Variants in VPS52 observed in about 807,000 individuals in gnomAD.
VPS52 encodes the protein vacuolar protein sorting-associated protein 52 homolog.
In VPS52, 56 loss-of-function variants were observed where a neutral mutation model predicts 98.7. That is an observed-to-expected ratio of 0.57 (90% confidence interval 0.46 to 0.71). The LOEUF (loss-of-function observed/expected upper bound fraction) is 0.71. VPS52 is among the 30% of genes least tolerant of loss of function. VPS52 has a pLI of 0.00. For missense variants in VPS52, 742 were observed against 925.9 expected (o/e 0.80, Z 2.58); for synonymous variants, 348 against 346.4 (o/e 1.00, Z -0.05).
At position 33,264,382 on chromosome 6, in the gene VPS52, G is replaced by GC; in HGVS notation, c.1515dup (p.Pro506AlafsTer24). On this transcript the variant is annotated frameshift_variant, in exon 14 of 20. Coordinates refer to ENST00000445902, the MANE Select transcript of VPS52 (RefSeq NM_022553.6). LOFTEE classifies it high-confidence loss of function. ...CCCTTGCCCTCCCTCACATAGTGGG[G>GC]CCGAGTATCCAACCCCCCTAGGCGC... is the stretch of plus-strand genomic sequence containing the variant. The GC allele has an allele frequency of 6.2e-7, 1 of 1,614,098 alleles. No homozygotes were observed. The highest frequency in any genetic ancestry group is 8.5e-7 in the Non-Finnish European group (1 of 1,180,008).
intron 17 of VPS52, among the ~76,000 whole-genome samples, chr6:33,252,729 A>G (rs1399830739): frequency 1.3e-5 from 2 of 152,202 alleles, no homozygotes; most frequent in Non-Finnish European, 2.9e-5. Context: ...GAATTATACA[A>G]TGAATTAGAA....
chr6:33,268,991 AACC>A lies in VPS52; in HGVS notation c.548+20_548+22del. The A allele has an allele frequency of 6.2e-7, 1 of 1,611,030 alleles. No individual in the cohort carries two copies. The highest frequency in any genetic ancestry group is 8.5e-7 in the Non-Finnish European group (1 of 1,179,664). ...CCCATCCACCTGCTATGGACATTAT[AACC>A]CTTCAAACTGGTAACTCACGTGACC... On this transcript the variant is annotated intron_variant, in intron 6 of 19. Transcript: ENST00000445902. This position sits in a 1 kb window ranked among gnomAD's most constrained non-coding sequence, Gnocchi z 4.0.
intron 5 of VPS52, 22 bp from the exon 6 acceptor site, chr6:33,269,211 C>T (rs1764697773): frequency 1.2e-6 from 2 of 1,612,270 alleles, no homozygotes; most frequent in Admixed American, 3.3e-5. Flanking sequence ...GTAGATGTTG[C>T]CGGAGTGCTA....
intron 17 of VPS52, among the ~76,000 whole-genome samples, chr6:33,257,621 G>A (rs946243766): frequency 6.6e-6 from 1 of 151,844 alleles, no homozygotes; most frequent in Non-Finnish European, 1.5e-5. Flanking sequence ...GGATGGTCTC[G>A]ATCCCGTGAC....
chr6:33,255,814 A>AG (rs1762878977), intron 17 of VPS52, among the ~76,000 whole-genome samples: 1 of 148,340 alleles, frequency 6.7e-6, no homozygotes. Flanking sequence ...AAAAAAAAAA[A>AG]GAAATGGAGT....
intron 12 of VPS52, 66 bp downstream of exon 12, chr6:33,266,491 C>T: frequency 6.7e-7 from 1 of 1,483,386 alleles, no homozygotes; most frequent in East Asian, 2.3e-5. Context: ...GAGTCATGAC[C>T]CCACTATGCT....
In VPS52 at chr6:33,267,921, T is replaced by A; in HGVS notation, c.877A>T (p.Ser293Cys). Residue 293 changes from serine (S) to cysteine (C), a missense_variant, in exon 9 of 20, where the codon AGC (serine) becomes TGC (cysteine). By Grantham distance (112) the Ser-to-Cys change is moderately radical. Coordinates refer to ENST00000445902, the MANE Select transcript of VPS52 (RefSeq NM_022553.6). This position sits in a 1 kb window ranked among gnomAD's most constrained non-coding sequence, Gnocchi z 4.2. ...CGGTAGTAAGACAGGTAAATCTTGC[T>A]CAGCGTCTCCACATATTCATCCCTG... ...EIRDEYVETLSKIYLSYYRSY... is the reference protein window; with the variant it reads ...EIRDEYVETLCKIYLSYYRSY... The A allele has an allele frequency of 6.2e-7, 1 of 1,613,106 alleles. No homozygotes were observed. Among genetic ancestry groups the A allele is most frequent in the Non-Finnish European group, 8.5e-7 (1 of 1,180,032 alleles).
intron 14 of VPS52, 133 bp downstream of exon 14, chr6:33,264,238 CCAT>C: frequency 2.6e-6 from 4 of 1,545,324 alleles, no homozygotes; most frequent in Non-Finnish European, 3.5e-6. Context: ...GCACCACTCA[CCAT>C]GAGTTTCACC....
intron 17 of VPS52, among the ~76,000 whole-genome samples, chr6:33,259,525 C>A (rs953656854): frequency 6.6e-6 from 1 of 151,976 alleles, no homozygotes; most frequent in Non-Finnish European, 1.5e-5. Context: ...ACAAATAAAA[C>A]CCACTGAAAT....
At chr6:33,265,566 C>T in intron 12 of VPS52, among the ~76,000 whole-genome samples, 1 of 152,096 alleles carries the variant, frequency 6.6e-6, no homozygotes, top group East Asian at 1.9e-4. Flanking sequence ...GAGACAAGGT[C>T]TTGCCGCATT....
intron 19 of VPS52, 132 bp downstream of exon 19, chr6:33,251,386 C>T: frequency 2.9e-6 from 2 of 696,452 alleles, no homozygotes; most frequent in East Asian, 4.9e-5. Context: ...CAGGTTAGGG[C>T]TCATACAGAA....
intron 12 of VPS52, 82 bp from the exon 13 acceptor site, chr6:33,264,982 T>C: frequency 1.6e-6 from 2 of 1,239,800 alleles, no homozygotes; most frequent in South Asian, 1.2e-5. Flanking sequence ...ACGCATTTGT[T>C]TCTTTGGGGA....
Position 33,264,803 on chromosome 6 carries a change from C to G in VPS52, c.1379G>C (p.Arg460Thr), listed in dbSNP as rs369099870. The part of the protein sequence containing the change: ...VLRFRNIAAK[R>T]DVPALDRYWE... ...TGACCTGTCCAGGGCAGGAACATCC[C>G]TCTTTGCTGCAATGTTACGGAACCG... is the stretch of plus-strand genomic sequence containing the variant. The change falls in exon 13 of 20, where the codon AGG becomes ACG. Residue 460 changes from arginine to threonine, a missense_variant. Around this residue, in one of 2 missense-constraint regions of VPS52, gnomAD observed 590 missense variants for 793.3 expected, o/e 0.74. Coordinates refer to ENST00000445902, the MANE Select transcript of VPS52 (RefSeq NM_022553.6). The G allele has an allele frequency of 3.7e-6, 6 of 1,612,970 alleles. No homozygotes were observed. The highest frequency in any genetic ancestry group is 5.1e-6 in the Non-Finnish European group (6 of 1,180,022).
chr6:33,271,213 C>T (rs1032346281), intron 1 of VPS52: 4 of 600,444 alleles, frequency 6.7e-6, no homozygotes, highest in Admixed American at 2.9e-5. Flanking sequence ...ATCTTCCTCA[C>T]CTTAAAGGTG....
At chr6:33,270,905 C>G (rs898135272) in intron 1 of VPS52, among the ~76,000 whole-genome samples, 1 of 142,672 alleles carries the variant, frequency 7.0e-6, no homozygotes, top group Admixed American at 7.4e-5. Context: ...GAGCCAAGAT[C>G]GCGCCACTGC....
At chr6:33,266,793 G>A in intron 11 of VPS52, 81 bp from the exon 12 acceptor site, 1 of 1,507,188 alleles carries the variant, frequency 6.6e-7, no homozygotes, top group South Asian at 1.3e-5. Flanking sequence ...TGGAAAATCA[G>A]TAAACCTGAG....
chr6:33,253,822 A>G (rs1300552216), intron 17 of VPS52, among the ~76,000 whole-genome samples: 2 of 152,140 alleles, frequency 1.3e-5, no homozygotes, highest in African/African-American at 2.4e-5. Flanking sequence ...CTGTATATGT[A>G]TAAGATTTAA....
At chr6:33,263,650 G>T in intron 16 of VPS52, 101 bp from the exon 17 acceptor site, 2 of 1,575,676 alleles carry the variant, frequency 1.3e-6, no homozygotes, top group Admixed American at 1.7e-5. Context: ...TGGACACTGT[G>T]CCAGACTCCA....
intron 17 of VPS52, among the ~76,000 whole-genome samples, chr6:33,262,675 A>G (rs1763771552): frequency 2.0e-5 from 3 of 152,212 alleles, no homozygotes. Context: ...TACACAATGG[A>G]GTACTACTCA....
Sources: allele counts gnomAD v4.1 joint callset (sites outside exome capture counted in the v4.1 genomes callset), GRCh38; gene constraint gnomAD v4.1.1; regional missense constraint gnomAD v4.1.1; non-coding constraint Gnocchi (gnomAD v3.1); transcripts MANE v1.5; gene names NCBI Gene and HGNC (gene_info 2026-07-23, HGNC 2026-07-21).